The following RBFOX1 variants were observed in gnomAD, a reference collection of about 807,000 sequenced individuals.
RBFOX1 encodes RNA binding fox-1 homolog 1.
In RBFOX1, 8 loss-of-function variants were observed where a neutral mutation model predicts 57.7. The observed-to-expected ratio is 0.14, with a 90% CI of 0.08 to 0.25. RBFOX1 has a LOEUF of 0.25. Ranked by LOEUF, RBFOX1 falls within the 10% of genes least tolerant of loss-of-function variation. The pLI is 1.00. For missense variants in RBFOX1, 611 were observed against 548.5 expected (o/e 1.11, Z -1.14); for synonymous variants, 326 against 222.4 (o/e 1.47, Z -4.15).
intron 14 of RBFOX1, among the ~76,000 whole-genome samples, chr16:7,698,020 G>C (rs1449461005): frequency 3.3e-5 from 5 of 152,140 alleles, no homozygotes; most frequent in African/African-American, 7.2e-5. Flanking sequence ...GAAGCATGTT[G>C]CGTATTAGGG....
At chr16:5,640,169 C>A (rs1200470547) in intron 3 of RBFOX1, among the ~76,000 whole-genome samples, 2 of 152,158 alleles carry the variant, frequency 1.3e-5, no homozygotes, top group Admixed American at 1.3e-4. Flanking sequence ...CCTTCCTCAG[C>A]ATTGAGCAGG....
At chr16:5,597,242 C>G (rs36011627) in intron 2 of RBFOX1, among the ~76,000 whole-genome samples, 3 of 130,944 alleles carry the variant, frequency 2.3e-5, no homozygotes, top group Non-Finnish European at 3.2e-5. Flanking sequence ...TTCCCACCCC[C>G]CTCCCGCTTT....
chr16:5,581,644 G>T lies in RBFOX1; in HGVS notation c.259-17258G>T, dbSNP rs1024951689. 2.0e-5 allele frequency among the ~76,000 whole-genome samples: 3 copies of T among 152,230 alleles called. No homozygotes were observed. In the East Asian group the frequency reaches 5.8e-4, roughly 29 times the overall value. On this transcript the variant is annotated intron_variant, in intron 2 of 2. Coordinates refer to the RBFOX1 transcript ENST00000585867. ...GGAGGTGATGTCTGGACTTTGACAT[G>T]AAGGATGTGTAGGAGTTAAGTTGCA...
At chr16:6,624,692 C>G (rs923390641) in intron 2 of RBFOX1, among the ~76,000 whole-genome samples, 6 of 152,034 alleles carry the variant, frequency 3.9e-5, no homozygotes, top group African/African-American at 1.4e-4. Flanking sequence ...ACCAGAAACT[C>G]CTAGACGTCG....
At chr16:7,223,041 A>C (rs1447520365) in intron 4 of RBFOX1, among the ~76,000 whole-genome samples, 1 of 152,168 alleles carries the variant, frequency 6.6e-6, no homozygotes, top group African/African-American at 2.4e-5. Flanking sequence ...TTATATAATT[A>C]AGCCTGATTG....
intron 3 of RBFOX1, among the ~76,000 whole-genome samples, chr16:5,720,184 A>T (rs986732127): frequency 1.3e-5 from 2 of 152,124 alleles, no homozygotes; most frequent in African/African-American, 2.4e-5. Flanking sequence ...GATATTGAAC[A>T]TTGTGTGTGT....
At chr16:5,312,877 A>G (rs979329809) in intron 1 of RBFOX1, among the ~76,000 whole-genome samples, 1 of 152,202 alleles carries the variant, frequency 6.6e-6, no homozygotes, top group Non-Finnish European at 1.5e-5. Flanking sequence ...CGGACACTGC[A>G]GATTGCAGGA....
intron 10 of RBFOX1, among the ~76,000 whole-genome samples, chr16:7,609,948 G>A (rs2057107751): frequency 1.3e-5 from 2 of 151,424 alleles, no homozygotes; most frequent in Admixed American, 1.3e-4. Flanking sequence ...CTCCTGAGTA[G>A]CTGGGACTAC....
chr16:5,446,955 A>G (rs1376888752), intron 1 of RBFOX1, among the ~76,000 whole-genome samples: 1 of 152,148 alleles, frequency 6.6e-6, no homozygotes, highest in Non-Finnish European at 1.5e-5. Flanking sequence ...AACAACTCCC[A>G]CACAGTCATC....
At chr16:7,577,801 A>T (rs1028629688) in intron 5 of RBFOX1, among the ~76,000 whole-genome samples, 1 of 152,208 alleles carries the variant, frequency 6.6e-6, no homozygotes, top group Non-Finnish European at 1.5e-5. Context: ...TGGAAGGCTG[A>T]TGTGGCAAGA....
At chr16:5,919,347 T>A (rs1263507043) in intron 4 of RBFOX1, among the ~76,000 whole-genome samples, 1 of 151,594 alleles carries the variant, frequency 6.6e-6, no homozygotes, top group Non-Finnish European at 1.5e-5. Flanking sequence ...CATTTTTAAA[T>A]TTTTTTTATT....
intron 4 of RBFOX1, among the ~76,000 whole-genome samples, chr16:7,433,129 C>G (rs1167485575): frequency 6.6e-6 from 1 of 152,202 alleles, no homozygotes; most frequent in Non-Finnish European, 1.5e-5. Flanking sequence ...ATTCCCCCAA[C>G]CAAGTACTCA....
chr16:5,569,438 CTTTT>C (rs796279138), intron 2 of RBFOX1, among the ~76,000 whole-genome samples: 1,635 of 48,830 alleles, frequency 0.033, 4 homozygotes, highest in Non-Finnish European at 0.056. Context: ...AAGAAGTAAC[CTTTT>C]TTTTTTTTTT....
chr16:6,381,251 T>A (rs2091784571), intron 2 of RBFOX1, among the ~76,000 whole-genome samples: 1 of 152,116 alleles, frequency 6.6e-6, no homozygotes, highest in Non-Finnish European at 1.5e-5. Flanking sequence ...AGTGATGAGG[T>A]CTAAGCATTT....
At chr16:7,049,283 A>T (rs146636315) in intron 3 of RBFOX1, among the ~76,000 whole-genome samples, 100 of 152,290 alleles carry the variant, frequency 6.6e-4, no homozygotes, top group African/African-American at 2.3e-3. Flanking sequence ...AAGAGAGGAA[A>T]TAAAGAAAAG....
chr16:5,902,988 C>A (rs914424064), intron 4 of RBFOX1, among the ~76,000 whole-genome samples: 3 of 152,096 alleles, frequency 2.0e-5, no homozygotes, highest in Non-Finnish European at 4.4e-5. Flanking sequence ...CTAAACTCCC[C>A]CACCCTCAAC....
At chr16:6,335,933 C>T (rs1368340023) in intron 2 of RBFOX1, among the ~76,000 whole-genome samples, 2 of 150,452 alleles carry the variant, frequency 1.3e-5, no homozygotes, top group Admixed American at 6.6e-5. Flanking sequence ...GTTTTCCAGC[C>T]TCACAGTAGG....
chr16:7,257,911 C>T (rs1292070961), intron 4 of RBFOX1, among the ~76,000 whole-genome samples: 1 of 152,270 alleles, frequency 6.6e-6, no homozygotes, highest in South Asian at 2.1e-4. Flanking sequence ...AAGGAGATTC[C>T]ATCTTCGTAT....
intron 2 of RBFOX1, among the ~76,000 whole-genome samples, chr16:6,368,561 ATTC>A (rs1330254701): frequency 8.5e-5 from 13 of 152,108 alleles, no homozygotes; most frequent in Non-Finnish European, 1.5e-4. Context: ...CCTGCCTGTA[ATTC>A]TTCTGCTCTA....
Sources: gnomAD v4.1 joint callset for allele counts (sites outside exome capture counted in the v4.1 genomes callset) on GRCh38, gnomAD v4.1.1 for gene constraint, MANE v1.5 for transcripts, NCBI Gene and HGNC (gene_info 2026-07-23, HGNC 2026-07-21) for gene names.